The following LPP variants were observed in gnomAD, a reference collection of about 807,000 sequenced individuals.
The protein encoded by LPP is lipoma-preferred partner.
A neutral mutation model predicts 60.4 loss-of-function variants in LPP; 38 were observed. The ratio of observed to expected loss-of-function variants is 0.63; its 90% CI spans 0.49 to 0.83. The LOEUF (loss-of-function observed/expected upper bound fraction) is 0.83. LPP is among the 40% of genes least tolerant of loss of function. The probability of loss-of-function intolerance (pLI) is 0.00; values close to 1 mark genes in which losing one functional copy is unlikely to be tolerated. For missense variants in LPP, 902 were observed against 783.6 expected (o/e 1.15, Z -1.80); for synonymous variants, 328 against 290.8 (o/e 1.13, Z -1.30).
At chr3:188,235,991 A>G (rs1721766019) in intron 2 of LPP, among the ~76,000 whole-genome samples, 1 of 152,094 alleles carries the variant, frequency 6.6e-6, no homozygotes, top group Non-Finnish European at 1.5e-5. Flanking sequence ...TAGTTTGCAA[A>G]TAGTAATAAT....
At chr3:188,367,315 C>G (rs1329433723) in intron 3 of LPP, among the ~76,000 whole-genome samples, 1 of 151,978 alleles carries the variant, frequency 6.6e-6, no homozygotes, top group Non-Finnish European at 1.5e-5. Flanking sequence ...AGAACCCAGT[C>G]CTTATAGAGT....
chr3:188,209,961 C>A (rs1304047715), intron 1 of LPP, among the ~76,000 whole-genome samples: 1 of 151,876 alleles, frequency 6.6e-6, no homozygotes, highest in East Asian at 1.9e-4. Context: ...GGAGAACAAC[C>A]AGAGTGACTG....
At chr3:188,337,766 C>G in intron 2 of LPP, among the ~76,000 whole-genome samples, 1 of 152,200 alleles carries the variant, frequency 6.6e-6, no homozygotes, top group Admixed American at 6.5e-5. Flanking sequence ...TCCCAGAGTG[C>G]CGGGACTACA....
chr3:188,626,564 C>T (rs1195706455), intron 7 of LPP, among the ~76,000 whole-genome samples: 1 of 152,078 alleles, frequency 6.6e-6, no homozygotes, highest in Non-Finnish European at 1.5e-5. Flanking sequence ...CACAAGGTTG[C>T]TTTCCTCTAA....
chr3:188,525,626 T>C (rs558827067), intron 6 of LPP, among the ~76,000 whole-genome samples: 1 of 152,342 alleles, frequency 6.6e-6, no homozygotes, highest in Non-Finnish European at 1.5e-5. Flanking sequence ...TAAATAATGC[T>C]ACAGGGGACA....
intron 7 of LPP, among the ~76,000 whole-genome samples, chr3:188,612,310 T>C (rs1580391404): frequency 6.6e-6 from 1 of 152,118 alleles, no homozygotes; most frequent in Non-Finnish European, 1.5e-5. Flanking sequence ...TGTGAGGGCA[T>C]TGGCTGATGA....
At chr3:188,288,164 G>T (rs181863340) in intron 2 of LPP, among the ~76,000 whole-genome samples, 24 of 152,302 alleles carry the variant, frequency 1.6e-4, no homozygotes, top group Non-Finnish European at 1.5e-4. Context: ...GGAAATAATA[G>T]AGAAATTAGA....
At chr3:188,181,542 C>T (rs912801149) in intron 1 of LPP, among the ~76,000 whole-genome samples, 2 of 152,126 alleles carry the variant, frequency 1.3e-5, no homozygotes, top group African/African-American at 4.8e-5. Context: ...TCTCTGTCTC[C>T]TCCTCCTCTT....
At chr3:188,702,453 T>A (rs1864666955) in intron 7 of LPP, among the ~76,000 whole-genome samples, 1 of 152,132 alleles carries the variant, frequency 6.6e-6, no homozygotes, top group African/African-American at 2.4e-5. Flanking sequence ...ATACCTGTGT[T>A]TTAGAGCTTA....
rs1376418906 is a variant in LPP, at chr3:188,874,391, G to C, written c.1751G>C (p.Cys584Ser). Residue 584 changes from cysteine to serine, a missense_variant, in exon 12 of 12, where the codon TGC (cysteine) becomes TCC (serine). Physicochemically the swap from Cys to Ser is moderately radical, Grantham distance 112. Transcript: ENST00000617246. ...CTGTCTGAAGGAGATAACCAAGGCT[G>C]CTACCCCTTGGATGGGCACATCCTC... ...GLLSEGDNQG[C>S]YPLDGHILCK... The C allele has an allele frequency of 5.6e-6, 9 of 1,614,098 alleles. No individual in the cohort carries two copies. Among genetic ancestry groups the C allele is most frequent in the Non-Finnish European group, 6.8e-6 (8 of 1,179,954 alleles).
In LPP at chr3:188,650,199, A is replaced by G. The variant is rs1366671622; in HGVS notation, c.1113+40355A>G. ...TTAGGCACTAATACCTATTTTAATT[A>G]TGGAGACAAAAACAGCTAAGAAAAT... On this transcript the variant is annotated intron_variant, in intron 7 of 11. Coordinates refer to ENST00000617246, the MANE Select transcript of LPP (RefSeq NM_001375462.1). Among the ~76,000 whole-genome samples the G allele has an allele frequency of 3.3e-5, 5 of 152,326 alleles. No individual in the cohort carries two copies. The East Asian group carries it at 7.7e-4, about 23-fold the overall frequency.
intron 8 of LPP, among the ~76,000 whole-genome samples, chr3:188,748,158 A>G (rs528828991): frequency 6.6e-4 from 100 of 152,214 alleles, no homozygotes; most frequent in Admixed American, 1.6e-3. Context: ...AATTTATTTT[A>G]CAGCAGTTTA....
intron 7 of LPP, among the ~76,000 whole-genome samples, chr3:188,637,616 G>A (rs1849101037): frequency 6.6e-6 from 1 of 151,498 alleles, no homozygotes; most frequent in African/African-American, 2.4e-5. Context: ...TAGACCGCTA[G>A]CAAGACTAAT....
intron 7 of LPP, among the ~76,000 whole-genome samples, chr3:188,627,667 T>C (rs922191943): frequency 1.3e-5 from 2 of 151,958 alleles, no homozygotes; most frequent in African/African-American, 2.4e-5. Flanking sequence ...AGAACTACAA[T>C]AGTGGGAGAC....
intron 8 of LPP, chr3:188,710,159 T>C (rs1866332045): frequency 6.6e-6 from 1 of 152,182 alleles, no homozygotes; most frequent in Non-Finnish European, 1.5e-5. Flanking sequence ...TATATGGGAA[T>C]ATGTAATGAC....
chr3:188,424,586 A>G (rs1021130935), intron 4 of LPP, among the ~76,000 whole-genome samples: 8 of 152,202 alleles, frequency 5.3e-5, no homozygotes, highest in Non-Finnish European at 1.2e-4. Flanking sequence ...ATCCATGAGC[A>G]TGGAATGGTT....
At chr3:188,556,256 C>G (rs189404529) in intron 6 of LPP, among the ~76,000 whole-genome samples, 1 of 152,234 alleles carries the variant, frequency 6.6e-6, no homozygotes, top group Admixed American at 6.6e-5. Flanking sequence ...GTTGCCCTGT[C>G]TGAGGTCAAA....
chr3:188,247,198 A>T, intron 2 of LPP: 1 of 983,888 alleles, frequency 1.0e-6, no homozygotes, highest in Non-Finnish European at 1.2e-6. Flanking sequence ...TTACCCTGAG[A>T]TCAAGGGTTC....
chr3:188,392,895 G>A (rs1195660679), intron 3 of LPP, among the ~76,000 whole-genome samples: 3 of 152,128 alleles, frequency 2.0e-5, no homozygotes, highest in Admixed American at 6.6e-5. Flanking sequence ...GAAATGTTGA[G>A]CCTTCACTGA....
Sources: gnomAD v4.1 joint callset for allele counts (sites outside exome capture counted in the v4.1 genomes callset) on GRCh38, gnomAD v4.1.1 for gene constraint, MANE v1.5 for transcripts, NCBI Gene and HGNC (gene_info 2026-07-23, HGNC 2026-07-21) for gene names.